Variants in DACH2 observed in about 807,000 individuals in gnomAD.
DACH2 encodes dachshund homolog 2.
In DACH2, 17 loss-of-function variants were observed where a neutral mutation model predicts 35.8. The observed-to-expected ratio is 0.48, with a 90% CI of 0.33 to 0.71. DACH2 has a LOEUF of 0.71. DACH2 is among the 30% of genes least tolerant of loss of function. The probability of loss-of-function intolerance (pLI) is 0.02; values close to 1 mark genes in which losing one functional copy is unlikely to be tolerated. For missense variants in DACH2, 469 were observed against 472.7 expected (o/e 0.99, Z 0.07); for synonymous variants, 195 against 177.3 (o/e 1.10, Z -0.79).
intron 1 of DACH2, among the ~76,000 whole-genome samples, chrX:86,327,992 T>C (rs1481408709): frequency 8.9e-6 from 1 of 111,981 alleles, no homozygotes; most frequent in Non-Finnish European, 1.9e-5. Flanking sequence ...TTACCACCTT[T>C]TACCATTACT....
chrX:86,508,550 ACT>A (rs1369833205), intron 2 of DACH2, among the ~76,000 whole-genome samples: 1 of 105,130 alleles, frequency 9.5e-6, no homozygotes, highest in Non-Finnish European at 1.9e-5. Context: ...ACAGAGTGAG[ACT>A]CTGTCTCAAA....
intron 7 of DACH2, among the ~76,000 whole-genome samples, chrX:86,782,706 C>T (rs1362890140): frequency 9.0e-6 from 1 of 111,615 alleles, no homozygotes; most frequent in Non-Finnish European, 1.9e-5. Context: ...TATCCATATG[C>T]AGAAGAATGA....
In DACH2 at chrX:86,788,765, A is replaced by G. The variant is rs186749594; in HGVS notation, c.1241-24091A>G. ...GAAACGAAACCTTATTTATATTCAC[A>G]TTACATAGAAGACACATTTAAGTCA... On this transcript the variant is annotated intron_variant, in intron 7 of 11. Coordinates refer to ENST00000373125, the MANE Select transcript of DACH2 (RefSeq NM_053281.3). Among the ~76,000 whole-genome samples, 6 of 111,645 alleles carry G rather than the reference A, an allele frequency of 5.4e-5. No homozygotes were observed. In the East Asian group the frequency reaches 1.7e-3, roughly 32 times the overall value.
chrX:86,702,750 C>G (rs2041158241), intron 5 of DACH2, among the ~76,000 whole-genome samples: 2 of 111,218 alleles, frequency 1.8e-5, no homozygotes, highest in African/African-American at 6.5e-5. Flanking sequence ...CTAAACAGAC[C>G]AATAACAGGC....
intron 1 of DACH2, among the ~76,000 whole-genome samples, chrX:86,375,402 C>CAT (rs1229126475): frequency 6.2e-5 from 6 of 96,064 alleles, no homozygotes; most frequent in Admixed American, 1.2e-4. Context: ...TATATATATA[C>CAT]ATATATATAT....
intron 3 of DACH2, among the ~76,000 whole-genome samples, chrX:86,526,473 T>C (rs749155979): frequency 5.4e-5 from 6 of 111,745 alleles, no homozygotes; most frequent in Non-Finnish European, 1.1e-4. Flanking sequence ...GTTTGCTCCC[T>C]TTCTGGCAAT....
chrX:86,325,016 G>C (rs1231911132), intron 1 of DACH2, among the ~76,000 whole-genome samples: 1 of 111,043 alleles, frequency 9.0e-6, no homozygotes, highest in East Asian at 2.8e-4. Context: ...ATACATACAT[G>C]GTTTTTTAGA....
chrX:86,802,346 T>C (rs2042301820), intron 7 of DACH2, among the ~76,000 whole-genome samples: 1 of 110,082 alleles, frequency 9.1e-6, no homozygotes, highest in Non-Finnish European at 1.9e-5. Flanking sequence ...TGCTCTAAAG[T>C]GCTGGATGAA....
intron 2 of DACH2, among the ~76,000 whole-genome samples, chrX:86,511,092 G>A (rs2038390176): frequency 9.0e-6 from 1 of 111,548 alleles, no homozygotes; most frequent in Non-Finnish European, 1.9e-5. Context: ...TGATTAATAT[G>A]TGAATATCTG....
At chrX:86,805,899 G>A (rs776799601) in intron 7 of DACH2, among the ~76,000 whole-genome samples, 4 of 108,061 alleles carry the variant, frequency 3.7e-5, no homozygotes, top group East Asian at 5.7e-4. Context: ...TCTGGGCTTC[G>A]TTGTCCATAT....
chrX:86,789,460 G>A (rs889545885), intron 7 of DACH2, among the ~76,000 whole-genome samples: 3 of 111,603 alleles, frequency 2.7e-5, no homozygotes, highest in African/African-American at 9.7e-5. Context: ...GTTGCATCTG[G>A]TATCAATAAT....
At chrX:86,443,062 T>A (rs1225281284) in intron 2 of DACH2, among the ~76,000 whole-genome samples, 3 of 112,011 alleles carry the variant, frequency 2.7e-5, no homozygotes, top group Non-Finnish European at 5.6e-5. Context: ...ATTTGGGGTC[T>A]TTTGTAGTTC....
rs2034239815 is a variant in DACH2, at chrX:86,289,878, A to G, written c.489-86946A>G. Among the ~76,000 whole-genome samples the G allele has an allele frequency of 3.7e-5, 4 of 109,098 alleles. No individual in the cohort carries two copies. The Admixed American group carries it at 3.9e-4, about 11-fold the overall frequency. 94.7% of individuals were successfully genotyped at this position (109,098 alleles called of 115,157 possible). On this transcript the variant is annotated intron_variant, in intron 1 of 11. Transcript: ENST00000373125. ...GTTATTGTGAATAATGCCACAATAA[A>G]CATACGTGTGCATGTGTCTTTATAG... is the stretch of plus-strand genomic sequence containing the variant.
At chrX:86,324,984 A>G (rs2148041340) in intron 1 of DACH2, among the ~76,000 whole-genome samples, 1 of 111,018 alleles carries the variant, frequency 9.0e-6, no homozygotes, top group East Asian at 2.8e-4. Context: ...AATTTTTAGG[A>G]ATAATATATT....
At chrX:86,149,809 T>G (rs2030299404) in intron 1 of DACH2, among the ~76,000 whole-genome samples, 1 of 112,379 alleles carries the variant, frequency 8.9e-6, no homozygotes. Context: ...AAATATCACT[T>G]TCCTGGGATC....
At chrX:86,703,668 T>C (rs897925451) in intron 5 of DACH2, among the ~76,000 whole-genome samples, 2 of 111,410 alleles carry the variant, frequency 1.8e-5, no homozygotes, top group African/African-American at 6.5e-5. Flanking sequence ...CAATCCCATT[T>C]AGGATAGTCA....
chrX:86,365,432 T>C (rs1034874137), intron 1 of DACH2, among the ~76,000 whole-genome samples: 8 of 110,705 alleles, frequency 7.2e-5, no homozygotes, highest in Non-Finnish European at 1.5e-4. Context: ...GGAAGGACAT[T>C]TCAGTTGGAG....
intron 2 of DACH2, among the ~76,000 whole-genome samples, chrX:86,472,849 T>C (rs1459849290): frequency 1.8e-5 from 2 of 112,039 alleles, no homozygotes; most frequent in Non-Finnish European, 3.8e-5. Flanking sequence ...ATCGATAGAT[T>C]AGCCTTAGCA....
At chrX:86,384,142 C>T (rs1158799944) in intron 2 of DACH2, among the ~76,000 whole-genome samples, 1 of 110,366 alleles carries the variant, frequency 9.1e-6, no homozygotes, top group East Asian at 2.9e-4. Context: ...GGGTGACAGA[C>T]CATGAATTTC....
Sources: gnomAD v4.1 joint callset for allele counts (sites outside exome capture counted in the v4.1 genomes callset) on GRCh38, gnomAD v4.1.1 for gene constraint, MANE v1.5 for transcripts, NCBI Gene and HGNC (gene_info 2026-07-23, HGNC 2026-07-21) for gene names.